VRK3: variants seen among roughly 807,000 people sequenced by gnomAD.
The protein encoded by VRK3 is serine/threonine-protein kinase VRK3.
Under a neutral mutation model 60.4 loss-of-function variants are expected in VRK3, and 50 were observed. The observed-to-expected ratio is 0.83, with a 90% confidence interval of 0.66 to 1.05. The LOEUF (loss-of-function observed/expected upper bound fraction) is 1.05, where lower values mean the gene tolerates loss of function less well. VRK3 is among the 50% of genes least tolerant of loss of function. The pLI is 0.00. For synonymous variants in VRK3, 246 were observed against 227.8 expected (o/e 1.08, Z -0.72); for missense variants, 549 against 585.3 (o/e 0.94, Z 0.64).
chr19:50,000,878 T>G (rs1303542562), intron 5 of VRK3, 24 bp from the exon 6 acceptor site: 11 of 1,611,164 alleles, frequency 6.8e-6, no homozygotes, highest in Non-Finnish European at 8.5e-6. Flanking sequence ...AACAAGGGAG[T>G]GAGGTTATAA....
chr19:49,989,628 T>C lies in VRK3; in HGVS notation c.1096+11A>G. ...CTCTCTGCGGTCCCAAACCCATCCC[T>C]GGCCTCGTACCGCATCCCTTGTGCA... is the stretch of plus-strand genomic sequence containing the variant. On this transcript the variant is annotated intron_variant, in intron 11 of 14. Coordinates refer to ENST00000316763, the MANE Select transcript of VRK3 (RefSeq NM_016440.4). 1 of 1,599,718 alleles carries C rather than the reference T, an allele frequency of 6.3e-7. No individual in the cohort carries two copies. The highest frequency in any genetic ancestry group is 8.5e-7 in the Non-Finnish European group (1 of 1,170,814).
intron 5 of VRK3, among the ~76,000 whole-genome samples, chr19:50,007,328 G>GGCTT (rs10699911): frequency 1.3e-5 from 2 of 151,680 alleles, no homozygotes. Flanking sequence ...CAGGGCACAT[G>GGCTT]CCAACTGGCC....
At position 49,981,877 on chromosome 19, in the gene VRK3, A is replaced by G. The variant is rs73932222; in HGVS notation, c.1218-864T>C. On this transcript the variant is annotated intron_variant, in intron 12 of 14. Coordinates refer to ENST00000316763, the MANE Select transcript of VRK3 (RefSeq NM_016440.4). ...TGGGCGGTATCCAAACATTTTGAGG[A>G]GATTTTAACTGGTAGGTTCAAAGCA... 0.011 allele frequency: 13,024 copies of G among 1,157,080 alleles called. 1,166 individuals carry two copies. The African/African-American group carries it at 0.19, about 16-fold the overall frequency. 71.7% of individuals were successfully genotyped at this position (1,157,080 alleles called of 1,614,324 possible).
In VRK3 at chr19:49,980,994, G is replaced by T. The variant is rs747070456; in HGVS notation, c.1237C>A (p.Pro413Thr). ...QKQKFVDKPG[P>T]FVGPCGHWIR... ...CAGTGACCGCAGGGTCCCACGAAGG[G>T]CCCCGGCTTATCAACAAACCTGAAG... Residue 413 changes from proline (P) to threonine (T), a missense_variant, in exon 13 of 15, where the codon CCC becomes ACC. By Grantham distance (38) the Pro-to-Thr change is conservative (BLOSUM62 -1). Coordinates refer to ENST00000316763, the MANE Select transcript of VRK3 (RefSeq NM_016440.4). 51 of 1,612,368 alleles carry T rather than the reference G, an allele frequency of 3.2e-5. No individual in the cohort carries two copies. Among genetic ancestry groups the T allele is most frequent in the Non-Finnish European group, 4.2e-5 (49 of 1,179,384 alleles).
intron 5 of VRK3, 28 bp from the exon 6 acceptor site, chr19:50,000,882 G>A (rs756928640): frequency 2.5e-6 from 4 of 1,602,126 alleles, no homozygotes; most frequent in African/African-American, 1.3e-5. Context: ...AGGGAGTGAG[G>A]TTATAACCAC....
At chr19:49,997,759 G>C in intron 6 of VRK3, 189 bp from the exon 7 acceptor site, 1 of 562,544 alleles carries the variant, frequency 1.8e-6, no homozygotes, top group Non-Finnish European at 3.1e-6. Context: ...GCTGTACCCA[G>C]GTTCCTTTTC....
intron 5 of VRK3, among the ~76,000 whole-genome samples, chr19:50,002,306 G>A (rs1335227419): frequency 2.0e-5 from 3 of 152,164 alleles, no homozygotes; most frequent in African/African-American, 7.2e-5. Context: ...TTGGGAGCCA[G>A]CTCTACACGT....
intron 12 of VRK3, among the ~76,000 whole-genome samples, chr19:49,983,148 G>A (rs1172891727): frequency 8.4e-6 from 1 of 119,352 alleles, no homozygotes; most frequent in Non-Finnish European, 1.7e-5. Context: ...TCCCTCCCAT[G>A]GCTCCCCAGC....
At chr19:50,002,784 C>A (rs2076831296) in intron 5 of VRK3, among the ~76,000 whole-genome samples, 1 of 152,100 alleles carries the variant, frequency 6.6e-6, no homozygotes, top group African/African-American at 2.4e-5. Flanking sequence ...ACTCTGTGAT[C>A]TAGGGTGGCA....
intron 5 of VRK3, 178 bp from the exon 6 acceptor site, chr19:50,001,032 TTCTC>T (rs1281069257): frequency 3.3e-6 from 2 of 598,328 alleles, no homozygotes; most frequent in East Asian, 3.0e-5. Context: ...TTCTTCCTCT[TTCTC>T]TCTGTCACTA....
chr19:49,988,177 G>C (rs1244263074), intron 12 of VRK3, 195 bp downstream of exon 12: 3 of 713,168 alleles, frequency 4.2e-6, no homozygotes, highest in Non-Finnish European at 6.3e-6. Flanking sequence ...TCTGAGCCCA[G>C]GCAGTGTGGC....
intron 5 of VRK3, among the ~76,000 whole-genome samples, chr19:50,006,542 A>C (rs2076895369): frequency 6.6e-6 from 1 of 151,650 alleles, no homozygotes; most frequent in Non-Finnish European, 1.5e-5. Flanking sequence ...CACCCGGCTA[A>C]TTTTTTGTAT....
At chr19:50,012,522 T>C (rs561034505) in intron 3 of VRK3, among the ~76,000 whole-genome samples, 21 of 152,266 alleles carry the variant, frequency 1.4e-4, no homozygotes, top group Admixed American at 4.6e-4. Flanking sequence ...AGGTTACCCA[T>C]ACATATTTGC....
At chr19:49,984,211 T>C (rs909465828) in intron 12 of VRK3, among the ~76,000 whole-genome samples, 2 of 152,118 alleles carry the variant, frequency 1.3e-5, no homozygotes, top group South Asian at 4.1e-4. Flanking sequence ...CTGACAAGAC[T>C]GGAGTTCAGA....
At chr19:50,009,088 T>C (rs1024957286) in intron 4 of VRK3, 148 bp downstream of exon 4, 1 of 938,050 alleles carries the variant, frequency 1.1e-6, no homozygotes. Context: ...GAGGGGGAGA[T>C]GGGAGGCTGG....
rs1426631103 is a variant in VRK3 at position 50,016,120 on chromosome 19, C to T, written c.43G>A (p.Ala15Thr). The change falls in exon 3 of 15, where the codon GCA becomes ACA. Residue 15 changes from alanine to threonine, a missense_variant. Physicochemically the swap from Ala to Thr is moderately conservative, Grantham distance 58. Transcript: ENST00000316763. ...CPDCGKSIQA[A>T]FKFCPYCGNS... Reference sequence around the variant, plus strand: ...CCACAGTAGGGGCAGAATTTGAATGCCGCTTGGATACTTTTGCCACAGTCT... The same window carrying T: ...CCACAGTAGGGGCAGAATTTGAATGTCGCTTGGATACTTTTGCCACAGTCT... 6.2e-7 allele frequency: 1 copy of T among 1,614,206 alleles called. No individual in the cohort carries two copies. The highest frequency in any genetic ancestry group is 2.2e-5 in the East Asian group (1 of 44,888).
intron 9 of VRK3, 135 bp downstream of exon 9, chr19:49,994,679 G>T: frequency 1.3e-6 from 1 of 781,554 alleles, no homozygotes; most frequent in Non-Finnish European, 2.0e-6. Flanking sequence ...GCCTGCCATG[G>T]CAGTCAGTGA....
chr19:49,996,959 C>T (rs974144271), intron 7 of VRK3: 2 of 152,148 alleles, frequency 1.3e-5, no homozygotes, highest in Admixed American at 1.3e-4. Flanking sequence ...TAACAACCAG[C>T]TTGCCATCTT....
chr19:50,007,082 G>C (rs2076904675), intron 5 of VRK3, among the ~76,000 whole-genome samples: 1 of 152,116 alleles, frequency 6.6e-6, no homozygotes, highest in African/African-American at 2.4e-5. Context: ...AGATCTGTGT[G>C]GGAGGCCTGC....
Sources: allele counts gnomAD v4.1 joint callset (sites outside exome capture counted in the v4.1 genomes callset), GRCh38; gene constraint gnomAD v4.1.1; transcripts MANE v1.5; gene names NCBI Gene and HGNC (gene_info 2026-07-23, HGNC 2026-07-21).